The following KANK4 variants were observed in gnomAD, a reference collection of about 807,000 sequenced individuals.
KANK4 encodes the protein KN motif and ankyrin repeat domains 4.
Under a neutral mutation model 80.8 loss-of-function variants are expected in KANK4, and 50 were observed. That is an observed-to-expected ratio of 0.62 (90% confidence interval 0.49 to 0.78). The LOEUF (loss-of-function observed/expected upper bound fraction) is 0.78. Ranked by LOEUF, KANK4 falls within the 30% of genes least tolerant of loss-of-function variation. KANK4 has a pLI of 0.00. For missense variants in KANK4, 1,196 were observed against 1,240.1 expected (o/e 0.96, Z 0.53); for synonymous variants, 465 against 506.9 (o/e 0.92, Z 1.11).
At position 62,273,720 on chromosome 1, in the gene KANK4, TATGACCATCTGGCCCCC is replaced by T. The variant is rs1185929181; in HGVS notation, c.1367_1383del (p.Trp456Ter). ...TCTGCTGGGCTCTGATTCCCTTGTT[TATGACCATCTGGCCCCC>T]ATAGGAGGCCATTCTCCTCTCCTCG... On this transcript the variant is annotated frameshift_variant, in exon 3 of 10. Transcript: ENST00000371153. LOFTEE classifies it high-confidence loss of function. 6.2e-7 allele frequency: 1 copy of T among 1,614,110 alleles called. No homozygotes were observed. Among genetic ancestry groups the T allele is most frequent in the Non-Finnish European group, 8.5e-7 (1 of 1,179,994 alleles).
intron 9 of KANK4, among the ~76,000 whole-genome samples, chr1:62,240,036 G>T (rs1671301362): frequency 6.6e-6 from 1 of 152,158 alleles, no homozygotes; most frequent in Admixed American, 6.5e-5. Flanking sequence ...ACCCAGTAAT[G>T]GGATGGGTGG....
intron 2 of KANK4, among the ~76,000 whole-genome samples, chr1:62,279,755 G>T (rs142922421): frequency 1.3e-3 from 204 of 152,292 alleles, no homozygotes; most frequent in African/African-American, 4.9e-3. Flanking sequence ...AGGATTCACT[G>T]AGCATGTGCT....
At chr1:62,277,831 T>TAC (rs1672346252) in intron 2 of KANK4, among the ~76,000 whole-genome samples, 2 of 152,216 alleles carry the variant, frequency 1.3e-5, no homozygotes, top group Non-Finnish European at 2.9e-5. Flanking sequence ...CCTGTATTAA[T>TAC]AATAAATTAT....
intron 9 of KANK4, among the ~76,000 whole-genome samples, chr1:62,239,513 TTTA>T (rs578036023): frequency 1.3e-5 from 2 of 151,280 alleles, no homozygotes; most frequent in African/African-American, 2.4e-5. Flanking sequence ...GACTGGTTCT[TTTA>T]TTATTATTAT....
chr1:62,249,081 C>T (rs900147384), intron 8 of KANK4, among the ~76,000 whole-genome samples: 3 of 148,590 alleles, frequency 2.0e-5, no homozygotes, highest in Non-Finnish European at 1.5e-5. Context: ...AGGAGAATCA[C>T]TTGAACCCGG....
intron 7 of KANK4, among the ~76,000 whole-genome samples, chr1:62,258,673 G>A (rs1306708752): frequency 6.6e-6 from 1 of 152,186 alleles, no homozygotes; most frequent in African/African-American, 2.4e-5. Flanking sequence ...ACCAGGAACT[G>A]GTCTAGGTGT....
chr1:62,285,880 C>A (rs1672554050), intron 1 of KANK4, among the ~76,000 whole-genome samples: 1 of 152,048 alleles, frequency 6.6e-6, no homozygotes, highest in South Asian at 2.1e-4. Flanking sequence ...CTTTCAAGTG[C>A]AAATATTCCC....
chr1:62,292,426 C>T (rs1257617119), intron 1 of KANK4, among the ~76,000 whole-genome samples: 2 of 152,210 alleles, frequency 1.3e-5, no homozygotes, highest in Admixed American at 1.3e-4. Context: ...CATGGTGCCA[C>T]TTGACTAGAC....
chr1:62,299,823 T>C (rs1342109574), intron 1 of KANK4, among the ~76,000 whole-genome samples: 1 of 152,124 alleles, frequency 6.6e-6, no homozygotes, highest in African/African-American at 2.4e-5. Context: ...GATGTTCACC[T>C]CTGGACTTTT....
At chr1:62,279,196 G>GCACA (rs1457451049) in intron 2 of KANK4, among the ~76,000 whole-genome samples, 4 of 51,678 alleles carry the variant, frequency 7.7e-5, no homozygotes, top group South Asian at 8.5e-4. Context: ...AAGCTAGCGC[G>GCACA]CGCACACACA....
intron 1 of KANK4, among the ~76,000 whole-genome samples, chr1:62,297,120 G>T (rs1644372894): frequency 6.6e-6 from 1 of 152,094 alleles, no homozygotes; most frequent in African/African-American, 2.4e-5. Flanking sequence ...AGGGGGTTGA[G>T]GCAGGAGAAT....
intron 9 of KANK4, among the ~76,000 whole-genome samples, chr1:62,239,369 A>C (rs938895593): frequency 1.3e-5 from 2 of 152,098 alleles, no homozygotes; most frequent in African/African-American, 4.8e-5. Flanking sequence ...GTAATATTCC[A>C]TAATTTACTA....
At chr1:62,246,226 C>T (rs1359595723) in intron 9 of KANK4, among the ~76,000 whole-genome samples, 5 of 152,118 alleles carry the variant, frequency 3.3e-5, no homozygotes, top group Admixed American at 1.3e-4. Context: ...TCATCATTGC[C>T]GTCACCTTAC....
intron 1 of KANK4, among the ~76,000 whole-genome samples, chr1:62,291,429 T>C (rs1257897413): frequency 6.6e-6 from 1 of 152,212 alleles, no homozygotes; most frequent in Non-Finnish European, 1.5e-5. Context: ...CTTCATTTTT[T>C]TGTATAATTT....
intron 1 of KANK4, among the ~76,000 whole-genome samples, chr1:62,311,659 A>G (rs1469706052): frequency 6.6e-6 from 1 of 152,122 alleles, no homozygotes; most frequent in Non-Finnish European, 1.5e-5. Flanking sequence ...TCTCGGGATC[A>G]TCATTGCGCG....
chr1:62,238,218 C>A lies in KANK4; in HGVS notation c.*59G>T. On this transcript the variant is annotated 3_prime_UTR_variant, in exon 10 of 10. Coordinates refer to ENST00000371153, the MANE Select transcript of KANK4 (RefSeq NM_181712.5). ...CTGTGACCTCTGCCCTCTTCAAGGG[C>A]GAGGGAGGAGTCCAGAGAAGAAGGC... 2 of 1,292,564 alleles carry A rather than the reference C, an allele frequency of 1.5e-6. No homozygotes were observed. The highest frequency in any genetic ancestry group is 1.1e-6 in the Non-Finnish European group (1 of 896,214). The allele number at this position is 1,292,564 out of a possible 1,614,324, so 80.1% of individuals were successfully genotyped here.
chr1:62,268,388 G>A lies in KANK4; in HGVS notation c.2130C>T (p.Ala710=), dbSNP rs767032002. ...DGPDHKHVKD[A]HLTCEAGQGI... Reference sequence around the variant, plus strand: ...CCTGCCCAGCCTCGCAGGTGAGATGGGCATCTTTGACATGCTTGTGATCTG... The same window carrying A: ...CCTGCCCAGCCTCGCAGGTGAGATGAGCATCTTTGACATGCTTGTGATCTG... The change falls in exon 5 of 10, where the codon GCC becomes GCT. Residue 710 remains alanine, a synonymous_variant. Coordinates refer to ENST00000371153, the MANE Select transcript of KANK4 (RefSeq NM_181712.5). 2 of 1,614,024 alleles carry A rather than the reference G, an allele frequency of 1.2e-6. No homozygotes were observed. The highest frequency in any genetic ancestry group is 1.7e-4 in the Middle Eastern group (1 of 6,060).
Position 62,238,251 on chromosome 1 carries a change from C to T in KANK4, c.*26G>A, listed in dbSNP as rs1407319692. 3.8e-6 allele frequency: 6 copies of T among 1,558,520 alleles called. No individual in the cohort carries two copies. The highest frequency in any genetic ancestry group is 5.3e-6 in the Non-Finnish European group (6 of 1,130,698). On this transcript the variant is annotated 3_prime_UTR_variant, in exon 10 of 10. Coordinates refer to ENST00000371153, the MANE Select transcript of KANK4 (RefSeq NM_181712.5). Reference sequence around the variant, plus strand: ...GAGTCCAGAGAAGAAGGCTTTTGTTCCCCACGGCCAGTTCTTCTGCAGCCC... The same window carrying T: ...GAGTCCAGAGAAGAAGGCTTTTGTTTCCCACGGCCAGTTCTTCTGCAGCCC...
At chr1:62,257,367 T>G (rs4915809) in intron 7 of KANK4, among the ~76,000 whole-genome samples, 17,205 of 152,196 alleles carry the variant, frequency 0.11, 1,152 homozygotes, top group Admixed American at 0.17. Context: ...GGATTACAGG[T>G]GTGAGCCACT....
Sources: gnomAD v4.1 joint callset for allele counts (sites outside exome capture counted in the v4.1 genomes callset) on GRCh38, gnomAD v4.1.1 for gene constraint, MANE v1.5 for transcripts, NCBI Gene and HGNC (gene_info 2026-07-23, HGNC 2026-07-21) for gene names.